The following CHD1L variants were observed in gnomAD, a reference collection of about 807,000 sequenced individuals.
CHD1L encodes the protein chromodomain helicase DNA binding protein 1 like.
In CHD1L, 118 loss-of-function variants were observed where a neutral mutation model predicts 115.9. The observed-to-expected ratio is 1.02, with a 90% CI of 0.88 to 1.19. The LOEUF is 1.19. CHD1L is among the 50% of genes most tolerant of loss of function. The probability of loss-of-function intolerance (pLI) is 0.00; values close to 1 mark genes in which losing one functional copy is unlikely to be tolerated. For missense variants in CHD1L, 1,179 were observed against 1,065.3 expected (o/e 1.11, Z -1.49); for synonymous variants, 411 against 387.1 (o/e 1.06, Z -0.72).
At chr1:147,235,115 GTGTGTGTA>G in the CHD1L span, among the ~76,000 whole-genome samples, 1 of 151,978 alleles carries the variant, frequency 6.6e-6, no homozygotes, top group East Asian at 1.9e-4. Flanking sequence ...GTGTGTGTGT[GTGTGTGTA>G]TGTGTGTGTG....
At chr1:147,192,855 A>T in the CHD1L span, among the ~76,000 whole-genome samples, 1 of 152,142 alleles carries the variant, frequency 6.6e-6, no homozygotes. Context: ...CATCCCAGGG[A>T]TGAAGCCCAC....
chr1:147,236,418 T>C, the CHD1L span, among the ~76,000 whole-genome samples: 1 of 152,252 alleles, frequency 6.6e-6, no homozygotes, highest in Non-Finnish European at 1.5e-5. Flanking sequence ...CCTGAGTTCT[T>C]GTCCTGCGTC....
chr1:147,288,994 A>G (rs1403196673), intron 19 of CHD1L, among the ~76,000 whole-genome samples: 1 of 152,208 alleles, frequency 6.6e-6, no homozygotes, highest in Admixed American at 6.5e-5. Flanking sequence ...GGCCCTCCAG[A>G]TTCCTTAGAT....
At position 147,264,451 on chromosome 1, in the gene CHD1L, C is replaced by T. The variant is rs145790163; in HGVS notation, c.606C>T (p.Thr202=). The change falls in exon 7 of 23, where the codon ACC becomes ACT. Residue 202 remains threonine (T), a synonymous_variant. Transcript: ENST00000369258. ...EFSVVFSLLL[T]GTPIQNSLQE... ...CAGTAGTCTTCAGTCTCCTGTTGAC[C>T]GGAACTCCCATCCAGAACAGCCTCC... 3.4e-4 allele frequency: 549 copies of T among 1,612,132 alleles called. 3 individuals are homozygous for T. In the African/African-American group the frequency reaches 3.9e-3, roughly 11 times the overall value.
intron 15 of CHD1L, among the ~76,000 whole-genome samples, chr1:147,281,776 T>C (rs1429965895): frequency 6.6e-6 from 1 of 151,872 alleles, no homozygotes; most frequent in South Asian, 2.1e-4. Flanking sequence ...CATTGACTTT[T>C]ACTTCTACTT....
At chr1:147,268,997 C>G in intron 10 of CHD1L, 119 bp downstream of exon 10, 1 of 623,940 alleles carries the variant, frequency 1.6e-6, no homozygotes, top group East Asian at 3.2e-5. Flanking sequence ...AACACTGATT[C>G]AGGTTCTGCC....
upstream of CHD1L, among the ~76,000 whole-genome samples, chr1:147,240,791 G>A (rs1030235262): frequency 5.3e-5 from 8 of 152,062 alleles, no homozygotes; most frequent in Non-Finnish European, 1.5e-5. Context: ...TTATGATGCA[G>A]AGACATTTGT....
Position 147,242,803 on chromosome 1 carries a change from C to A in CHD1L, c.100C>A (p.Gln34Lys), listed in dbSNP as rs1368853275. 3.1e-6 allele frequency: 4 copies of A among 1,276,850 alleles called. No homozygotes were observed. Among genetic ancestry groups the A allele is most frequent in the Non-Finnish European group, 3.0e-6 (3 of 1,004,590 alleles). 79.1% of individuals were successfully genotyped at this position (1,276,850 alleles called of 1,614,324 possible). ...GRAEAARVQE[Q>K]DLRQWGLTGI... Reference sequence around the variant, plus strand: ...AGCCGAGGCGGCGCGGGTGCAGGAGCAGGACTTACGGCAGTGGGGGCTGAC... The same window carrying A: ...AGCCGAGGCGGCGCGGGTGCAGGAGAAGGACTTACGGCAGTGGGGGCTGAC... Residue 34 changes from glutamine (Q) to lysine (K), a missense_variant, in exon 1 of 23, where the codon CAG becomes AAG. By Grantham distance (53) the Gln-to-Lys change is moderately conservative. Coordinates refer to ENST00000369258, the MANE Select transcript of CHD1L (RefSeq NM_004284.6).
intron 11 of CHD1L, 100 bp from the exon 12 acceptor site, chr1:147,272,071 A>AAAGGG: frequency 1.1e-6 from 1 of 887,966 alleles, no homozygotes; most frequent in South Asian, 1.8e-5. Flanking sequence ...CTGTATATGG[A>AAAGGG]AAGGGACAAA....
In CHD1L at chr1:147,253,424, A is replaced by G. The variant is rs587666354; in HGVS notation, c.240+689A>G. Among the ~76,000 whole-genome samples, 198 of 152,348 alleles carry G rather than the reference A, an allele frequency of 1.3e-3. 1 individual carries two copies. Among genetic ancestry groups the G allele is most frequent in the African/African-American group, 4.5e-3 (189 of 41,586 alleles). ...CCATAGATAATTTAAAAAGAAAATT[A>G]TTTCTGTTATAAAAACTACCTACCA... On this transcript the variant is annotated intron_variant, in intron 2 of 22. Coordinates refer to ENST00000369258, the MANE Select transcript of CHD1L (RefSeq NM_004284.6).
upstream of CHD1L, among the ~76,000 whole-genome samples, chr1:147,240,180 G>C (rs1481147781): frequency 6.6e-6 from 1 of 152,014 alleles, no homozygotes; most frequent in Non-Finnish European, 1.5e-5. Context: ...ATTTTGGTCT[G>C]TTCTAAGAAA....
the CHD1L span, among the ~76,000 whole-genome samples, chr1:147,236,417 T>C: frequency 2.0e-5 from 3 of 152,238 alleles, no homozygotes; most frequent in Admixed American, 2.0e-4. Flanking sequence ...TCCTGAGTTC[T>C]TGTCCTGCGT....
the CHD1L span, chr1:147,203,400 A>G: frequency 2.1e-6 from 2 of 964,690 alleles, no homozygotes; most frequent in Non-Finnish European, 3.4e-6. Flanking sequence ...CGAGTTTGAT[A>G]GACCAGTGTT....
At chr1:147,186,942 C>G in the CHD1L span, 1 of 1,614,120 alleles carries the variant, frequency 6.2e-7, no homozygotes, top group Non-Finnish European at 8.5e-7. Flanking sequence ...CAAGAGCTAG[C>G]ATAAACTTGC....
chr1:147,226,860 T>C, the CHD1L span, among the ~76,000 whole-genome samples: 1 of 148,020 alleles, frequency 6.8e-6, no homozygotes, highest in Non-Finnish European at 1.5e-5. Context: ...TGAAACAGGG[T>C]CTCACTCTGG....
At chr1:147,204,240 T>G in the CHD1L span, 2,243 of 1,246,562 alleles carry the variant, frequency 1.8e-3, 25 homozygotes, top group African/African-American at 0.017. Context: ...TTGACAGATG[T>G]ACATCACCTT....
chr1:147,223,975 C>A, the CHD1L span: 1 of 406,930 alleles, frequency 2.5e-6, no homozygotes, highest in South Asian at 1.8e-5. Context: ...CAGGGGTTAA[C>A]ACAATCACCA....
chr1:147,216,912 T>C, the CHD1L span, among the ~76,000 whole-genome samples: 1 of 152,334 alleles, frequency 6.6e-6, no homozygotes, highest in South Asian at 2.1e-4. Context: ...TTCAGTGTTC[T>C]TTCCCCTACA....
chr1:147,208,322 A>ATCTTT, the CHD1L span: 1 of 152,510 alleles, frequency 6.6e-6, no homozygotes, highest in African/African-American at 2.4e-5. Context: ...GAAAAGGGTT[A>ATCTTT]CTGCCAAAGA....
Sources: allele counts gnomAD v4.1 joint callset (sites outside exome capture counted in the v4.1 genomes callset), GRCh38; gene constraint gnomAD v4.1.1; transcripts MANE v1.5; gene names NCBI Gene and HGNC (gene_info 2026-07-23, HGNC 2026-07-21).